SRGAP3: variants seen among roughly 807,000 people sequenced by gnomAD.
The protein encoded by SRGAP3 is SLIT-ROBO Rho GTPase activating protein 3.
SRGAP3 carries 39 observed loss-of-function variants against 121.1 expected under a neutral mutation model. The observed-to-expected ratio is 0.32, with a 90% confidence interval of 0.25 to 0.42. The LOEUF (loss-of-function observed/expected upper bound fraction) is 0.42. Ranked by LOEUF, SRGAP3 falls within the 10% of genes least tolerant of loss-of-function variation. The probability of loss-of-function intolerance (pLI) is 1.00; values close to 1 mark genes in which losing one functional copy is unlikely to be tolerated. For synonymous variants in SRGAP3, 601 were observed against 570.0 expected (o/e 1.05, Z -0.77); for missense variants, 1,213 against 1,470.6 (o/e 0.82, Z 2.86).
intron 3 of SRGAP3, among the ~76,000 whole-genome samples, chr3:9,093,794 C>T (rs2124867180): frequency 6.6e-6 from 1 of 152,330 alleles, no homozygotes; most frequent in Non-Finnish European, 1.5e-5. Flanking sequence ...CTGCTCATTT[C>T]ACTCCCCATT....
chr3:9,052,069 G>A (rs1351802318), intron 9 of SRGAP3, among the ~76,000 whole-genome samples: 1 of 152,156 alleles, frequency 6.6e-6, no homozygotes, highest in Admixed American at 6.6e-5. Context: ...CCTTAGAAGA[G>A]GCATCAGCAC....
At chr3:9,147,179 TCTTA>T (rs1481158366) in intron 1 of SRGAP3, among the ~76,000 whole-genome samples, 1 of 152,182 alleles carries the variant, frequency 6.6e-6, no homozygotes, top group Non-Finnish European at 1.5e-5. Flanking sequence ...CATTTTTACT[TCTTA>T]CTTTTGCAGA....
At chr3:9,118,691 G>C (rs967842264) in intron 2 of SRGAP3, among the ~76,000 whole-genome samples, 8 of 149,110 alleles carry the variant, frequency 5.4e-5, no homozygotes, top group African/African-American at 2.0e-4. Context: ...AGATTGCCAG[G>C]CCCCCCCCCC....
chr3:9,080,734 C>T (rs908078244), intron 3 of SRGAP3, among the ~76,000 whole-genome samples: 1 of 152,072 alleles, frequency 6.6e-6, no homozygotes, highest in African/African-American at 2.4e-5. Flanking sequence ...CATACGTCCT[C>T]GAACCCTGGT....
At chr3:9,163,213 A>G (rs909543352) in intron 1 of SRGAP3, among the ~76,000 whole-genome samples, 2 of 152,294 alleles carry the variant, frequency 1.3e-5, no homozygotes, top group Middle Eastern at 3.4e-3. Flanking sequence ...ACATGAGAGG[A>G]GCCAGTCTGT....
chr3:9,095,009 A>G (rs1160623205), intron 3 of SRGAP3, among the ~76,000 whole-genome samples: 1 of 151,746 alleles, frequency 6.6e-6, no homozygotes, highest in East Asian at 1.9e-4. Flanking sequence ...CAATCCTCCC[A>G]CCTCAGCCTC....
At chr3:9,282,254 C>T (rs1954693197) in intron 3 of SRGAP3, among the ~76,000 whole-genome samples, 3 of 152,200 alleles carry the variant, frequency 2.0e-5, no homozygotes, top group Admixed American at 6.5e-5. Flanking sequence ...AAAACTAAGA[C>T]TTTTAAAACT....
rs185444339 is a variant in SRGAP3, at chr3:9,031,688, G to A, written c.1539+962C>T. On this transcript the variant is annotated intron_variant, in intron 12 of 21. Coordinates refer to ENST00000383836, the MANE Select transcript of SRGAP3 (RefSeq NM_014850.4). Reference sequence around the variant, plus strand: ...AAGTCTTGTGCTGGACCCTGTCTGAGGATCACAAGTAGACAGCTGGAGCAC... The same window carrying A: ...AAGTCTTGTGCTGGACCCTGTCTGAAGATCACAAGTAGACAGCTGGAGCAC... 1.7e-4 allele frequency among the ~76,000 whole-genome samples: 26 copies of A among 152,298 alleles called. No individual in the cohort carries two copies. In the East Asian group the frequency reaches 2.5e-3, roughly 15 times the overall value.
At chr3:9,202,537 A>G (rs1952103141) in intron 1 of SRGAP3, among the ~76,000 whole-genome samples, 1 of 152,188 alleles carries the variant, frequency 6.6e-6, no homozygotes, top group Admixed American at 6.5e-5. Context: ...CTGCACTCTA[A>G]AGTGAACTCT....
At chr3:9,028,404 C>A (rs1355410324) in intron 12 of SRGAP3, among the ~76,000 whole-genome samples, 1 of 152,134 alleles carries the variant, frequency 6.6e-6, no homozygotes, top group Non-Finnish European at 1.5e-5. Flanking sequence ...ACATGGGGGC[C>A]TCTTTCAGTC....
chr3:9,298,794 G>A (rs887016798), intron 3 of SRGAP3, among the ~76,000 whole-genome samples: 6 of 151,526 alleles, frequency 4.0e-5, no homozygotes, highest in Non-Finnish European at 7.3e-5. Flanking sequence ...GCTCATGCCT[G>A]TAATCTCAGC....
At chr3:9,037,213 C>G (rs73144098) in intron 11 of SRGAP3, 8,003 of 152,258 alleles carry the variant, frequency 0.053, 724 homozygotes, top group African/African-American at 0.18. Context: ...CAAAAAGTAG[C>G]GCTCTACTGC....
At chr3:9,224,000 G>A (rs942496264) in intron 1 of SRGAP3, among the ~76,000 whole-genome samples, 9 of 152,096 alleles carry the variant, frequency 5.9e-5, no homozygotes, top group Admixed American at 2.6e-4. Context: ...TCATTTCCTT[G>A]TGCAATGCCA....
chr3:9,018,881 G>A lies in SRGAP3; in HGVS notation c.1679-3150C>T, dbSNP rs547174926. 9.7e-4 allele frequency among the ~76,000 whole-genome samples: 148 copies of A among 152,020 alleles called. 1 individual carries two copies. The highest frequency in any genetic ancestry group is 3.0e-3 in the Admixed American group (46 of 15,268). On this transcript the variant is annotated intron_variant, in intron 14 of 21. Coordinates refer to ENST00000383836, the MANE Select transcript of SRGAP3 (RefSeq NM_014850.4). ...CCACACCTTTTAACCATTTTCATTCGTTTCTGGTTTGTCTTGCTGTGTGAG... is the reference window on the plus strand; with the variant it reads ...CCACACCTTTTAACCATTTTCATTCATTTCTGGTTTGTCTTGCTGTGTGAG...
chr3:8,990,870 G>C, intron 20 of SRGAP3, 31 bp from the exon 21 acceptor site: 1 of 1,476,870 alleles, frequency 6.8e-7, no homozygotes, highest in Non-Finnish European at 8.9e-7. Flanking sequence ...GAGGGGCATG[G>C]GGCAGAGGTC....
intron 1 of SRGAP3, among the ~76,000 whole-genome samples, chr3:9,170,430 C>G (rs375639999): frequency 1.3e-5 from 2 of 152,034 alleles, no homozygotes; most frequent in African/African-American, 4.8e-5. Context: ...CAAGAGGGTT[C>G]CAGGGGAAAG....
At chr3:9,124,990 G>A (rs1949167884) in intron 1 of SRGAP3, 73 bp from the exon 2 acceptor site, 2 of 1,576,716 alleles carry the variant, frequency 1.3e-6, no homozygotes, top group Non-Finnish European at 1.7e-6. Flanking sequence ...TCTGCTGCTG[G>A]CCTGGGCCCT....
At chr3:9,172,607 C>G (rs1001313927) in intron 1 of SRGAP3, among the ~76,000 whole-genome samples, 1 of 152,212 alleles carries the variant, frequency 6.6e-6, no homozygotes, top group African/African-American at 2.4e-5. Context: ...TGTCTCTCAT[C>G]TGTTTCCAGC....
At chr3:9,252,487 G>A (rs1186364994), upstream of SRGAP3, among the ~76,000 whole-genome samples, 2 of 151,982 alleles carry the variant, frequency 1.3e-5, no homozygotes, top group Admixed American at 1.3e-4. Flanking sequence ...ACTAATACAG[G>A]GCCCAGCCAA....
Sources: gnomAD v4.1 joint callset for allele counts (sites outside exome capture counted in the v4.1 genomes callset) on GRCh38, gnomAD v4.1.1 for gene constraint, MANE v1.5 for transcripts, NCBI Gene and HGNC (gene_info 2026-07-23, HGNC 2026-07-21) for gene names.